The following LRRTM4 variants were observed in gnomAD, a reference collection of about 807,000 sequenced individuals.
LRRTM4 encodes the protein leucine rich repeat transmembrane neuronal 4.
In LRRTM4, 25 loss-of-function variants were observed where a neutral mutation model predicts 47.6. The ratio of observed to expected loss-of-function variants is 0.53; its 90% CI spans 0.38 to 0.73. LRRTM4 has a LOEUF of 0.73. Among genes scored for constraint, LRRTM4 ranks in the 30% least tolerant of loss-of-function variants. The pLI is 0.00. For synonymous variants in LRRTM4, 311 were observed against 269.5 expected, an observed-to-expected ratio of 1.15 and a Z score of -1.51; for missense variants, 638 against 713.4, an observed-to-expected ratio of 0.89 and a Z score of 1.20.
chr2:76,750,024 G>C (rs559464356), intron 3 of LRRTM4, among the ~76,000 whole-genome samples: 1 of 152,170 alleles, frequency 6.6e-6, no homozygotes, highest in East Asian at 1.9e-4. Flanking sequence ...CCACATATCT[G>C]TTTTATTTGT....
intron 3 of LRRTM4, among the ~76,000 whole-genome samples, chr2:77,405,360 A>G (rs1459397288): frequency 1.3e-5 from 2 of 152,126 alleles, no homozygotes; most frequent in Admixed American, 1.3e-4. Context: ...GAGGCAAGAC[A>G]TATCCAGGAA....
chr2:76,755,193 C>T (rs975365947), intron 3 of LRRTM4, among the ~76,000 whole-genome samples: 1 of 152,198 alleles, frequency 6.6e-6, no homozygotes, highest in Non-Finnish European at 1.5e-5. Flanking sequence ...ACTATACTTA[C>T]AATGTTCAAT....
At chr2:77,194,294 T>C (rs956487087) in intron 3 of LRRTM4, among the ~76,000 whole-genome samples, 2 of 152,202 alleles carry the variant, frequency 1.3e-5, no homozygotes, top group African/African-American at 2.4e-5. Context: ...ACAACTCTTA[T>C]GTGAGAAAGC....
chr2:76,843,385 A>G (rs1671744757), intron 3 of LRRTM4, among the ~76,000 whole-genome samples: 2 of 152,100 alleles, frequency 1.3e-5, no homozygotes, highest in South Asian at 2.1e-4. Flanking sequence ...ATAGTCCTAG[A>G]CTCTCTGTTA....
chr2:77,504,146 A>G (rs1678675636), intron 3 of LRRTM4, among the ~76,000 whole-genome samples: 1 of 151,702 alleles, frequency 6.6e-6, no homozygotes, highest in Non-Finnish European at 1.5e-5. Context: ...TTAAAAGCCT[A>G]TAAAAATGAT....
At position 77,373,079 on chromosome 2, in the gene LRRTM4, TA is replaced by T. The variant is rs34776298; in HGVS notation, c.1551+145238del. Among the ~76,000 whole-genome samples the T allele has an allele frequency of 4.2e-3, 555 of 133,406 alleles. 6 individuals are homozygous for T. Among genetic ancestry groups the T allele is most frequent in the Admixed American group, 8.6e-3 (113 of 13,162 alleles). The allele number at this position is 133,406 out of a possible 152,430, so 87.5% of individuals were successfully genotyped here. A position where few individuals can be genotyped will look rare whatever the true frequency, so the allele number is the denominator to read the frequency against. On this transcript the variant is annotated intron_variant, in intron 3 of 3. Coordinates refer to ENST00000409884, the MANE Select transcript of LRRTM4 (RefSeq NM_001134745.3). ...CACTCCTCAAAAGCAAACCAACAAT[TA>T]AAAAAAAAATATATATATATATATA...
At chr2:76,996,043 TAAG>T (rs67560099) in intron 3 of LRRTM4, among the ~76,000 whole-genome samples, 76,061 of 151,280 alleles carry the variant, frequency 0.5, 19,781 homozygotes, top group African/African-American at 0.63. Flanking sequence ...AGAAATAAAA[TAAG>T]AAGATCGTAA....
chr2:77,062,563 G>A (rs949453123), intron 3 of LRRTM4, among the ~76,000 whole-genome samples: 1 of 152,072 alleles, frequency 6.6e-6, no homozygotes, highest in Non-Finnish European at 1.5e-5. Context: ...AAATGACCTC[G>A]TACTTCTGCC....
chr2:77,187,572 T>C (rs1208518013), intron 3 of LRRTM4, among the ~76,000 whole-genome samples: 2 of 151,936 alleles, frequency 1.3e-5, no homozygotes, highest in Non-Finnish European at 2.9e-5. Context: ...CGTGTATACA[T>C]ATGTAACAAA....
chr2:77,224,647 C>G (rs953889946), intron 3 of LRRTM4, among the ~76,000 whole-genome samples: 1 of 152,112 alleles, frequency 6.6e-6, no homozygotes, highest in African/African-American at 2.4e-5. Flanking sequence ...AAATGCAAAT[C>G]AAAACCACAA....
intron 3 of LRRTM4, among the ~76,000 whole-genome samples, chr2:77,103,644 A>AGT (rs1553389647): frequency 1.9e-4 from 21 of 110,496 alleles, no homozygotes; most frequent in East Asian, 1.4e-3. Context: ...TATATACATG[A>AGT]GTGTATATAT....
At chr2:76,826,121 A>G (rs139857416) in intron 3 of LRRTM4, among the ~76,000 whole-genome samples, 410 of 151,892 alleles carry the variant, frequency 2.7e-3, no homozygotes, top group African/African-American at 9.3e-3. Flanking sequence ...AGTATTTTCC[A>G]TAAGATTTGC....
At chr2:76,863,665 G>C (rs1023779743) in intron 3 of LRRTM4, among the ~76,000 whole-genome samples, 1 of 151,974 alleles carries the variant, frequency 6.6e-6, no homozygotes, top group Non-Finnish European at 1.5e-5. Flanking sequence ...GCTAAGTGCG[G>C]AGTTTTTCAA....
rs910571049 is a variant in LRRTM4 at position 76,798,778 on chromosome 2, G to T, written c.1552-49862C>A. Among the ~76,000 whole-genome samples the T allele has an allele frequency of 1.2e-3, 182 of 150,944 alleles. 1 individual carries two copies. Among genetic ancestry groups the T allele is most frequent in the African/African-American group, 4.1e-3 (169 of 41,240 alleles). On this transcript the variant is annotated intron_variant, in intron 3 of 3. Transcript: ENST00000409884. ...AAATGATAAAGGGGATATCACCACC[G>T]ATCCCACAGAAATACAAACTACCAT...
intron 3 of LRRTM4, among the ~76,000 whole-genome samples, chr2:77,042,168 A>G (rs1224124299): frequency 6.6e-6 from 1 of 151,572 alleles, no homozygotes; most frequent in Non-Finnish European, 1.5e-5. Context: ...GATTTTTGAG[A>G]ATTACACTAT....
intron 3 of LRRTM4, among the ~76,000 whole-genome samples, chr2:77,089,023 T>A (rs1186471675): frequency 6.6e-6 from 1 of 152,058 alleles, no homozygotes; most frequent in Non-Finnish European, 1.5e-5. Context: ...AAGGCAGCCT[T>A]CCCTTGGTGT....
At chr2:77,108,549 T>G (rs1194130584) in intron 3 of LRRTM4, among the ~76,000 whole-genome samples, 1 of 150,312 alleles carries the variant, frequency 6.7e-6, no homozygotes, top group Non-Finnish European at 1.5e-5. Context: ...AAGAAATAGT[T>G]ATTTAATTTT....
intron 3 of LRRTM4, among the ~76,000 whole-genome samples, chr2:76,867,048 A>G (rs1672488443): frequency 6.6e-6 from 1 of 152,040 alleles, no homozygotes; most frequent in African/African-American, 2.4e-5. Flanking sequence ...GGAGGGGAAC[A>G]TCACACAACG....
intron 3 of LRRTM4, among the ~76,000 whole-genome samples, chr2:77,471,239 G>A (rs578224475): frequency 8.3e-4 from 127 of 152,136 alleles, no homozygotes; most frequent in African/African-American, 3.0e-3. Context: ...TCATCATACA[G>A]TTACTATAGA....
Sources: gnomAD v4.1 joint callset for allele counts (sites outside exome capture counted in the v4.1 genomes callset) on GRCh38, gnomAD v4.1.1 for gene constraint, MANE v1.5 for transcripts, NCBI Gene and HGNC (gene_info 2026-07-23, HGNC 2026-07-21) for gene names.